RBM33: variants seen among roughly 807,000 people sequenced by gnomAD.
RBM33 encodes the protein RNA binding motif protein 33, also known as RNA-binding protein 33.
In RBM33, 28 loss-of-function variants were observed where a neutral mutation model predicts 132.6. The observed-to-expected ratio is 0.21, with a 90% CI of 0.16 to 0.29. The LOEUF (loss-of-function observed/expected upper bound fraction) is 0.29. RBM33 is among the 10% of genes least tolerant of loss of function. RBM33 has a pLI of 1.00. For missense variants in RBM33, 1,291 were observed against 1,518.5 expected, an observed-to-expected ratio of 0.85 and a Z score of 2.49; for synonymous variants, 634 against 593.0, an observed-to-expected ratio of 1.07 and a Z score of -1.01.
intron 12 of RBM33, among the ~76,000 whole-genome samples, chr7:155,741,057 C>T (rs1184604277): frequency 1.3e-5 from 2 of 152,186 alleles, no homozygotes; most frequent in Non-Finnish European, 2.9e-5. Context: ...TTAAAGTAAA[C>T]ATTGCAACTA....
chr7:155,677,075 T>G (rs1224930036), intron 3 of RBM33, among the ~76,000 whole-genome samples: 5 of 152,130 alleles, frequency 3.3e-5, no homozygotes, highest in Admixed American at 2.6e-4. Flanking sequence ...ATTTACTGAG[T>G]TGGACAGCCA....
intron 9 of RBM33, among the ~76,000 whole-genome samples, chr7:155,735,368 T>G (rs1463793747): frequency 1.3e-5 from 2 of 152,220 alleles, no homozygotes; most frequent in African/African-American, 4.8e-5. Context: ...CTATTAGAAG[T>G]AATTTTTCTA....
intron 1 of RBM33, among the ~76,000 whole-genome samples, chr7:155,661,534 A>C (rs1044672194): frequency 1.3e-5 from 2 of 151,212 alleles, no homozygotes; most frequent in Non-Finnish European, 2.9e-5. Flanking sequence ...CAGCCTCCCG[A>C]GTAGCCGGGA....
chr7:155,734,138 G>A (rs1309400220), intron 9 of RBM33, among the ~76,000 whole-genome samples: 2 of 152,194 alleles, frequency 1.3e-5, no homozygotes, highest in Non-Finnish European at 2.9e-5. Context: ...CAAGAACATC[G>A]ACAGACCCAC....
chr7:155,676,011 G>A (rs1343376315), intron 3 of RBM33, among the ~76,000 whole-genome samples: 1 of 151,950 alleles, frequency 6.6e-6, no homozygotes, highest in South Asian at 2.1e-4. Context: ...GTTTATTAGC[G>A]AGTTAATTAC....
In RBM33 at chr7:155,729,269, G is replaced by A. The variant is rs147132401; in HGVS notation, c.1261-8261G>A. On this transcript the variant is annotated intron_variant, in intron 9 of 17. Coordinates refer to ENST00000401878, the MANE Select transcript of RBM33 (RefSeq NM_053043.3). Reference sequence around the variant, plus strand: ...ACCCACCAGGTCCCTCCCTCCACTCGTGGGGATTACAGTTCGAGATGAGAT... The same window carrying A: ...ACCCACCAGGTCCCTCCCTCCACTCATGGGGATTACAGTTCGAGATGAGAT... Among the ~76,000 whole-genome samples, 447 of 152,250 alleles carry A rather than the reference G, an allele frequency of 2.9e-3. 5 individuals carry two copies. The highest frequency in any genetic ancestry group is 0.01 in the African/African-American group (422 of 41,540).
At chr7:155,695,880 A>T (rs1267375620) in intron 5 of RBM33, among the ~76,000 whole-genome samples, 1 of 152,204 alleles carries the variant, frequency 6.6e-6, no homozygotes, top group African/African-American at 2.4e-5. Context: ...TTTCTTCTGG[A>T]CACTTTACAG....
intron 5 of RBM33, among the ~76,000 whole-genome samples, chr7:155,690,775 T>C (rs188494393): frequency 1.3e-5 from 2 of 152,322 alleles, no homozygotes; most frequent in Non-Finnish European, 2.9e-5. Flanking sequence ...TTCTTTTTTT[T>C]AAGAATGTTG....
intron 5 of RBM33, among the ~76,000 whole-genome samples, chr7:155,681,780 G>A (rs1277438333): frequency 1.3e-5 from 2 of 152,034 alleles, no homozygotes; most frequent in African/African-American, 2.4e-5. Flanking sequence ...ATCTTCATTC[G>A]GAGGAAGCTT....
intron 7 of RBM33, among the ~76,000 whole-genome samples, chr7:155,709,407 C>A (rs9691493): frequency 0.77 from 116,715 of 152,034 alleles, 45,196 homozygotes; most frequent in African/African-American, 0.85. Flanking sequence ...GTTTTGTTCT[C>A]GTCCTCCTTT....
intron 7 of RBM33, among the ~76,000 whole-genome samples, chr7:155,707,767 CTGCCTCAATCTCT>C (rs1201930825): frequency 6.6e-6 from 1 of 152,172 alleles, no homozygotes; most frequent in Non-Finnish European, 1.5e-5. Context: ...AGCGATTCTC[CTGCCTCAATCTCT>C]TTAGTAGCTG....
Position 155,690,374 on chromosome 7 carries a change from A to G in RBM33, c.567+9466A>G, listed in dbSNP as rs528347369. 1.4e-3 allele frequency among the ~76,000 whole-genome samples: 215 copies of G among 152,104 alleles called. 4 individuals are homozygous for G. The highest frequency in any genetic ancestry group is 4.9e-3 in the African/African-American group (205 of 41,484). The stretch of plus-strand genomic sequence containing the variant: ...GAGCCTATATGTGTCTCTGCACGTG[A>G]GATGGGTTTCCTGAATATAGCACAG... On this transcript the variant is annotated intron_variant, in intron 5 of 17. Transcript: ENST00000401878.
chr7:155,672,099 A>AT (rs1252333421), intron 2 of RBM33, among the ~76,000 whole-genome samples: 1 of 151,568 alleles, frequency 6.6e-6, no homozygotes, highest in African/African-American at 2.4e-5. Flanking sequence ...CGTTTTTAAA[A>AT]TTTATTTTTT....
intron 12 of RBM33, 97 bp downstream of exon 12, chr7:155,740,123 T>G (rs1801282281): frequency 7.1e-7 from 1 of 1,405,394 alleles, no homozygotes; most frequent in East Asian, 2.6e-5. Context: ...TATTTTCCAG[T>G]TCTGATTTCT....
At chr7:155,709,118 TTTC>T (rs1160774807) in intron 7 of RBM33, among the ~76,000 whole-genome samples, 2 of 152,082 alleles carry the variant, frequency 1.3e-5, no homozygotes, top group Non-Finnish European at 2.9e-5. Flanking sequence ...TCTAGAATGA[TTTC>T]TTCTTTCTCC....
chr7:155,714,072 C>T (rs10276894), intron 8 of RBM33, among the ~76,000 whole-genome samples: 12 of 151,932 alleles, frequency 7.9e-5, no homozygotes, highest in Admixed American at 3.9e-4. Flanking sequence ...TTCGTGCTTT[C>T]GAAGAGTGGA....
intron 7 of RBM33, among the ~76,000 whole-genome samples, chr7:155,709,678 G>T (rs1027183122): frequency 1.7e-4 from 26 of 152,122 alleles, no homozygotes; most frequent in Non-Finnish European, 2.8e-4. Context: ...TTTAACTTGG[G>T]TGTCCCTGTG....
chr7:155,673,629 CACAT>C (rs1190868295), intron 3 of RBM33, among the ~76,000 whole-genome samples: 1 of 39,674 alleles, frequency 2.5e-5, no homozygotes, highest in Non-Finnish European at 6.9e-5. Flanking sequence ...TATATATACA[CACAT>C]ATACATACAC....
At chr7:155,697,399 C>A (rs1219758427) in intron 5 of RBM33, among the ~76,000 whole-genome samples, 1 of 84,000 alleles carries the variant, frequency 1.2e-5, no homozygotes, top group Non-Finnish European at 3.1e-5. Context: ...AATTCTTTTT[C>A]TTCTAATTTT....
Sources: gnomAD v4.1 joint callset for allele counts (sites outside exome capture counted in the v4.1 genomes callset) on GRCh38, gnomAD v4.1.1 for gene constraint, MANE v1.5 for transcripts, NCBI Gene and HGNC (gene_info 2026-07-23, HGNC 2026-07-21) for gene names.